CRIM1: variants seen among roughly 807,000 people sequenced by gnomAD.
The protein encoded by CRIM1 is cysteine-rich motor neuron 1 protein.
In CRIM1, 32 loss-of-function variants were observed where a neutral mutation model predicts 116.4. That is an observed-to-expected ratio of 0.27 (90% CI 0.21 to 0.37). CRIM1 has a LOEUF of 0.37. CRIM1 is among the 10% of genes least tolerant of loss of function. CRIM1 has a pLI of 1.00. For missense variants in CRIM1, 1,331 were observed against 1,354.8 expected (o/e 0.98, Z 0.28); for synonymous variants, 590 against 509.2 (o/e 1.16, Z -2.13).
At chr2:36,465,050 G>C (rs1056388705) in intron 5 of CRIM1, among the ~76,000 whole-genome samples, 2 of 152,144 alleles carry the variant, frequency 1.3e-5, no homozygotes, top group Admixed American at 6.5e-5. Flanking sequence ...TGCCACACTT[G>C]GGAACAAGAA....
At chr2:36,407,669 C>T (rs1019766814) in intron 2 of CRIM1, among the ~76,000 whole-genome samples, 6 of 146,764 alleles carry the variant, frequency 4.1e-5, no homozygotes, top group African/African-American at 1.3e-4. Flanking sequence ...AGTCATACAG[C>T]GACCTTCTGG....
intron 4 of CRIM1, among the ~76,000 whole-genome samples, chr2:36,447,790 T>TAG: frequency 6.6e-6 from 1 of 152,350 alleles, no homozygotes; most frequent in South Asian, 2.1e-4. Flanking sequence ...TTAACCAAGA[T>TAG]AGATGCCCTT....
chr2:36,464,767 G>T, intron 5 of CRIM1, 112 bp downstream of exon 5: 2 of 1,289,616 alleles, frequency 1.6e-6, no homozygotes, highest in South Asian at 1.4e-5. Flanking sequence ...ACCTTCAGGG[G>T]CTTGCTGAAG....
In CRIM1 at chr2:36,356,897, G is replaced by A. The variant is rs752674166; in HGVS notation, c.331+274G>A. Among the ~76,000 whole-genome samples, 10 of 152,142 alleles carry A rather than the reference G, an allele frequency of 6.6e-5. No homozygotes were observed. The highest frequency in any genetic ancestry group is 1.3e-4 in the Non-Finnish European group (9 of 68,020). ...TGTCCCCGCGCAGACGCGCACACGT[G>A]TGGCCGTTCCTGCTGGGACTGGGTG... On this transcript the variant is annotated intron_variant, in intron 1 of 16. Coordinates refer to ENST00000280527, the MANE Select transcript of CRIM1 (RefSeq NM_016441.3). The surrounding 1 kb of genome is among the most constrained non-coding windows in gnomAD (Gnocchi z 4.3).
intron 1 of CRIM1, among the ~76,000 whole-genome samples, chr2:36,381,325 G>T (rs866818091): frequency 6.6e-6 from 1 of 152,184 alleles, no homozygotes. Context: ...GGCAGCTCCC[G>T]CTAGACTCCC....
chr2:36,509,160 A>G (rs537455700), intron 8 of CRIM1, among the ~76,000 whole-genome samples: 2 of 152,318 alleles, frequency 1.3e-5, no homozygotes, highest in East Asian at 1.9e-4. Flanking sequence ...GCTGCATACA[A>G]TATGCAGTAT....
intron 5 of CRIM1, among the ~76,000 whole-genome samples, chr2:36,471,762 A>ACACAG (rs1209433744): frequency 3.6e-5 from 2 of 55,418 alleles, no homozygotes; most frequent in East Asian, 9.4e-4. Context: ...CACACACACC[A>ACACAG]TCTTACAATG....
intron 1 of CRIM1, among the ~76,000 whole-genome samples, chr2:36,382,352 T>C (rs568726797): frequency 6.6e-6 from 1 of 152,278 alleles, no homozygotes; most frequent in East Asian, 1.9e-4. Flanking sequence ...TCCTAACTGC[T>C]GCCATACCTG....
chr2:36,381,106 C>T (rs934055949), intron 1 of CRIM1, among the ~76,000 whole-genome samples: 2 of 152,120 alleles, frequency 1.3e-5, no homozygotes, highest in Non-Finnish European at 2.9e-5. Context: ...CGCCTTCTTG[C>T]CCCCGCCCCT....
intron 14 of CRIM1, among the ~76,000 whole-genome samples, chr2:36,539,800 A>C (rs923535959): frequency 5.9e-5 from 9 of 152,182 alleles, no homozygotes. Context: ...TTAGCTTGAA[A>C]TAGTCATTCA....
intron 15 of CRIM1, among the ~76,000 whole-genome samples, chr2:36,545,593 C>T (rs1572976834): frequency 1.3e-5 from 2 of 152,112 alleles, no homozygotes; most frequent in Admixed American, 6.6e-5. Flanking sequence ...CATTGTGAAT[C>T]GTATTAAAGA....
intron 2 of CRIM1, among the ~76,000 whole-genome samples, chr2:36,419,034 T>C (rs932589240): frequency 1.3e-5 from 2 of 152,216 alleles, no homozygotes; most frequent in African/African-American, 4.8e-5. Context: ...TAGCCTGATG[T>C]ATCCTGACAG....
chr2:36,507,881 G>T (rs10184223), intron 8 of CRIM1, among the ~76,000 whole-genome samples: 49,179 of 152,042 alleles, frequency 0.32, 8,161 homozygotes, highest in Middle Eastern at 0.47. Flanking sequence ...CTCCAAAATT[G>T]CAGGGAATTT....
At position 36,513,805 on chromosome 2, in the gene CRIM1, G is replaced by A. The variant is rs1489688722; in HGVS notation, c.1990+40G>A. On this transcript the variant is annotated intron_variant, in intron 11 of 16. Coordinates refer to ENST00000280527, the MANE Select transcript of CRIM1 (RefSeq NM_016441.3). ...CCATCTGTGTGCTCCATAAGCAAAT[G>A]ACTTCTGCCTTGCAGGGCCCTAGAC... is the stretch of plus-strand genomic sequence containing the variant. 5.7e-6 allele frequency: 9 copies of A among 1,577,676 alleles called. No homozygotes were observed. The East Asian group carries it at 2.0e-4, about 36-fold the overall frequency.
intron 14 of CRIM1, among the ~76,000 whole-genome samples, chr2:36,542,118 G>A (rs959279946): frequency 6.6e-6 from 1 of 152,260 alleles, no homozygotes; most frequent in African/African-American, 2.4e-5. Flanking sequence ...AATCAGAGCT[G>A]AACTGAGTGG....
chr2:36,386,890 C>T (rs961396884), intron 1 of CRIM1, among the ~76,000 whole-genome samples: 1 of 152,142 alleles, frequency 6.6e-6, no homozygotes, highest in African/African-American at 2.4e-5. Context: ...AAGTAGCTTT[C>T]TAGGCAGAGA....
At chr2:36,452,183 T>A (rs1676785464) in intron 4 of CRIM1, among the ~76,000 whole-genome samples, 1 of 152,090 alleles carries the variant, frequency 6.6e-6, no homozygotes, top group Non-Finnish European at 1.5e-5. Context: ...TTTGTTGTTG[T>A]CGTTCCCTTT....
intron 1 of CRIM1, among the ~76,000 whole-genome samples, chr2:36,362,395 T>C (rs1442115308): frequency 6.6e-6 from 1 of 152,218 alleles, no homozygotes; most frequent in African/African-American, 2.4e-5. Flanking sequence ...CTACCCATTC[T>C]CCTTAGAGCC....
At chr2:36,548,427 CTG>C (rs898665022) in intron 16 of CRIM1, 96 bp from the exon 17 acceptor site, 69 of 827,094 alleles carry the variant, frequency 8.3e-5, no homozygotes, top group African/African-American at 3.1e-4. Flanking sequence ...AATTGTGAAA[CTG>C]TTATCTCACC....
Sources: allele counts gnomAD v4.1 joint callset (sites outside exome capture counted in the v4.1 genomes callset), GRCh38; gene constraint gnomAD v4.1.1; non-coding constraint Gnocchi (gnomAD v3.1); transcripts MANE v1.5; gene names NCBI Gene and HGNC (gene_info 2026-07-23, HGNC 2026-07-21).